TBC1D32: variants seen among roughly 807,000 people sequenced by gnomAD.
TBC1D32 encodes the protein protein broad-minded.
In TBC1D32, 151 loss-of-function variants were observed where a neutral mutation model predicts 170.3. That is an observed-to-expected ratio of 0.89 (90% confidence interval 0.78 to 1.01). TBC1D32 has a LOEUF of 1.01. Among genes scored for constraint, TBC1D32 ranks in the 50% least tolerant of loss-of-function variants. The pLI, the probability that TBC1D32 is intolerant of heterozygous loss-of-function variation, is 0.00. For missense variants in TBC1D32, 1,464 were observed against 1,457.1 expected, an observed-to-expected ratio of 1.00 and a Z score of -0.08; for synonymous variants, 498 against 488.0, an observed-to-expected ratio of 1.02 and a Z score of -0.27.
At chr6:121,265,615 C>T (rs868121973) in intron 15 of TBC1D32, among the ~76,000 whole-genome samples, 1 of 151,652 alleles carries the variant, frequency 6.6e-6, no homozygotes, top group Non-Finnish European at 1.5e-5. Context: ...GCCCATATAG[C>T]CAAGTCAATC....
intron 21 of TBC1D32, among the ~76,000 whole-genome samples, chr6:121,216,048 C>T (rs980257537): frequency 2.0e-5 from 3 of 152,162 alleles, no homozygotes; most frequent in East Asian, 1.9e-4. Context: ...TTGAAGGATG[C>T]GAAGTATTGA....
chr6:121,312,189 G>A (rs1808311857), intron 3 of TBC1D32, among the ~76,000 whole-genome samples: 1 of 152,082 alleles, frequency 6.6e-6, no homozygotes, highest in Non-Finnish European at 1.5e-5. Flanking sequence ...ACTGGGGCCT[G>A]TCAGGGAATG....
intron 3 of TBC1D32, among the ~76,000 whole-genome samples, chr6:121,314,219 A>G (rs1808622899): frequency 6.6e-6 from 1 of 152,100 alleles, no homozygotes; most frequent in South Asian, 2.1e-4. Context: ...TACAACCTCT[A>G]TGTCAGCCTT....
chr6:121,266,558 C>T (rs761675763), intron 15 of TBC1D32, among the ~76,000 whole-genome samples: 2 of 152,104 alleles, frequency 1.3e-5, no homozygotes, highest in African/African-American at 2.4e-5. Flanking sequence ...AATCCCACTA[C>T]TGGGTATATA....
chr6:121,086,764 G>C (rs1307928211), intron 31 of TBC1D32, among the ~76,000 whole-genome samples: 1 of 152,152 alleles, frequency 6.6e-6, no homozygotes, highest in Non-Finnish European at 1.5e-5. Flanking sequence ...ATTGCTGACA[G>C]CCTATTAGCA....
In TBC1D32 at chr6:121,317,587, G is replaced by C; in HGVS notation, c.403C>G (p.Arg135Gly). 1 of 1,611,888 alleles carries C rather than the reference G, an allele frequency of 6.2e-7. No individual in the cohort carries two copies. Among genetic ancestry groups the C allele is most frequent in the Non-Finnish European group, 8.5e-7 (1 of 1,178,932 alleles). The change falls in exon 3 of 32, where the codon CGA (arginine) becomes GGA (glycine). Residue 135 changes from arginine (R) to glycine (G), a missense_variant. By Grantham distance (125) the Arg-to-Gly change is moderately radical. Transcript: ENST00000398212. ...MINKFEEDET[R>G]NQERQKKIQK... is the part of the protein sequence containing the mutation. ...ATTTTTTTCTGCCTTTCTTGATTTC[G>C]TGTCTCATCTTCTTCAAACTTGTTA...
At chr6:121,272,057 T>C (rs1214599170) in intron 15 of TBC1D32, among the ~76,000 whole-genome samples, 2 of 152,138 alleles carry the variant, frequency 1.3e-5, no homozygotes, top group Non-Finnish European at 2.9e-5. Context: ...TAGCCATATA[T>C]AGAAAGCTGA....
intron 22 of TBC1D32, among the ~76,000 whole-genome samples, chr6:121,191,637 G>A (rs1290339345): frequency 1.3e-5 from 2 of 150,810 alleles, no homozygotes; most frequent in African/African-American, 2.5e-5. Flanking sequence ...CCTGCAGTTG[G>A]ATATTAGTTG....
chr6:121,321,299 G>C (rs553776441), intron 2 of TBC1D32, among the ~76,000 whole-genome samples: 1 of 152,164 alleles, frequency 6.6e-6, no homozygotes, highest in Non-Finnish European at 1.5e-5. Context: ...AATCCCTCCG[G>C]GAGGGACTTA....
intron 11 of TBC1D32, among the ~76,000 whole-genome samples, chr6:121,293,710 G>T (rs189476103): frequency 1.1e-3 from 160 of 152,248 alleles, no homozygotes; most frequent in African/African-American, 3.3e-3. Flanking sequence ...AGGAGTTCAA[G>T]AGCAGCCTGG....
chr6:121,188,681 C>A (rs1298910897), intron 22 of TBC1D32, among the ~76,000 whole-genome samples: 1 of 152,156 alleles, frequency 6.6e-6, no homozygotes, highest in Non-Finnish European at 1.5e-5. Flanking sequence ...AGGAGTGGAA[C>A]TTGGGAGTAC....
intron 20 of TBC1D32, among the ~76,000 whole-genome samples, chr6:121,236,655 G>A (rs2128350425): frequency 6.6e-6 from 1 of 152,114 alleles, no homozygotes; most frequent in South Asian, 2.1e-4. Context: ...AAAATCCTTA[G>A]TTTATACTGA....
chr6:121,245,877 GTGGATAGATTTCCTGCTGGCC>G (rs1797530603), intron 17 of TBC1D32, among the ~76,000 whole-genome samples: 2 of 152,234 alleles, frequency 1.3e-5, no homozygotes, highest in South Asian at 4.2e-4. Context: ...AGGCTGTAAG[GTGGATAGATTTCCTGCTGGCC>G]TGGGAGGGAA....
At chr6:121,263,352 A>C (rs1030935836) in intron 15 of TBC1D32, among the ~76,000 whole-genome samples, 1 of 152,210 alleles carries the variant, frequency 6.6e-6, no homozygotes. Context: ...GAAGGCCATT[A>C]CATAATGGTA....
At chr6:121,089,393 C>A (rs1306592520) in intron 31 of TBC1D32, among the ~76,000 whole-genome samples, 1 of 152,040 alleles carries the variant, frequency 6.6e-6, no homozygotes, top group African/African-American at 2.4e-5. Context: ...GGGATACAGA[C>A]AGATAAGAGT....
chr6:121,109,000 T>G (rs1778965989), intron 29 of TBC1D32, among the ~76,000 whole-genome samples: 1 of 152,014 alleles, frequency 6.6e-6, no homozygotes, highest in Admixed American at 6.6e-5. Flanking sequence ...ATCTTTCTCC[T>G]CTCAGAAAAA....
intron 24 of TBC1D32, among the ~76,000 whole-genome samples, chr6:121,137,204 C>T (rs1782189713): frequency 6.6e-6 from 1 of 151,856 alleles, no homozygotes; most frequent in Non-Finnish European, 1.5e-5. Context: ...ATAATAATCC[C>T]TTTTAAACTC....
chr6:121,329,733 T>A (rs895893818), intron 1 of TBC1D32, among the ~76,000 whole-genome samples: 2 of 152,244 alleles, frequency 1.3e-5, no homozygotes, highest in African/African-American at 4.8e-5. Flanking sequence ...TCACTAATTT[T>A]TTAAAAAATA....
At chr6:121,282,485 C>T (rs200943482) in intron 13 of TBC1D32, among the ~76,000 whole-genome samples, 2 of 151,652 alleles carry the variant, frequency 1.3e-5, no homozygotes, top group Non-Finnish European at 3.0e-5. Context: ...GGAAACTATT[C>T]TAACTTATGT....
Sources: gnomAD v4.1 joint callset for allele counts (sites outside exome capture counted in the v4.1 genomes callset) on GRCh38, gnomAD v4.1.1 for gene constraint, MANE v1.5 for transcripts, NCBI Gene and HGNC (gene_info 2026-07-23, HGNC 2026-07-21) for gene names.